The following LINGO2 variants were observed in gnomAD, a reference collection of about 807,000 sequenced individuals.
LINGO2 encodes leucine-rich repeat and immunoglobulin-like domain-containing nogo receptor-interacting protein 2.
In LINGO2, 14 loss-of-function variants were observed where a neutral mutation model predicts 30.6. The observed-to-expected ratio is 0.46, with a 90% CI of 0.30 to 0.72. The LOEUF (loss-of-function observed/expected upper bound fraction) is 0.72. Ranked by LOEUF, LINGO2 falls within the 30% of genes least tolerant of loss-of-function variation. LINGO2 has a pLI of 0.07. For missense variants in LINGO2, 729 were observed against 751.7 expected (o/e 0.97, Z 0.35); for synonymous variants, 317 against 288.5 (o/e 1.10, Z -1.00).
At chr9:28,669,955 T>C (rs1433154226) in intron 1 of LINGO2, among the ~76,000 whole-genome samples, 1 of 151,968 alleles carries the variant, frequency 6.6e-6, no homozygotes, top group Non-Finnish European at 1.5e-5. Flanking sequence ...TATCATCACA[T>C]ATATAGTAGC....
intron 2 of LINGO2, among the ~76,000 whole-genome samples, chr9:28,405,843 T>C (rs188473899): frequency 3.0e-4 from 45 of 152,288 alleles, no homozygotes; most frequent in African/African-American, 1.0e-3. Context: ...ACTCCGTTTT[T>C]CTTCCTTCCT....
At chr9:29,027,362 G>C in the LINGO2 span, among the ~76,000 whole-genome samples, 1 of 151,850 alleles carries the variant, frequency 6.6e-6, no homozygotes, top group African/African-American at 2.4e-5. Context: ...ATTTGAGACA[G>C]AGTCTCGCAT....
the LINGO2 span, among the ~76,000 whole-genome samples, chr9:28,915,374 C>T: frequency 6.6e-6 from 1 of 152,098 alleles, no homozygotes; most frequent in Non-Finnish European, 1.5e-5. Flanking sequence ...TACTGGGTCA[C>T]TGCAGAGTTT....
the LINGO2 span, among the ~76,000 whole-genome samples, chr9:28,764,483 T>C: frequency 1.3e-5 from 2 of 151,758 alleles, no homozygotes; most frequent in Admixed American, 6.6e-5. Flanking sequence ...CTTAACAAAA[T>C]AGGAATAAAA....
chr9:28,991,035 G>A, the LINGO2 span, among the ~76,000 whole-genome samples: 3 of 152,210 alleles, frequency 2.0e-5, no homozygotes, highest in Admixed American at 1.3e-4. Flanking sequence ...GATGAGTTGA[G>A]AGAAGAAGGC....
the LINGO2 span, among the ~76,000 whole-genome samples, chr9:29,130,905 T>A: frequency 2.0e-5 from 3 of 152,200 alleles, no homozygotes; most frequent in Admixed American, 1.3e-4. Flanking sequence ...AAGCCTGTGA[T>A]ACCTGAAGCC....
At chr9:28,199,639 C>T (rs1186217286) in intron 4 of LINGO2, among the ~76,000 whole-genome samples, 3 of 152,018 alleles carry the variant, frequency 2.0e-5, no homozygotes, top group African/African-American at 4.8e-5. Flanking sequence ...CGCCTGGCCC[C>T]TTCTTCATTT....
chr9:27,948,707 G>T, exon 6 of LINGO2: 1 of 922,776 alleles, frequency 1.1e-6, no homozygotes, highest in Non-Finnish European at 1.7e-6. Flanking sequence ...AGTCTCCATT[G>T]GAAGTCCTCC....
the LINGO2 span, among the ~76,000 whole-genome samples, chr9:29,106,989 A>G: frequency 1.3e-5 from 2 of 152,212 alleles, no homozygotes; most frequent in African/African-American, 4.8e-5. Flanking sequence ...AGAGTTATGA[A>G]CTAGCCAATG....
At chr9:28,153,235 AT>A (rs2133563996) in intron 4 of LINGO2, among the ~76,000 whole-genome samples, 1 of 152,296 alleles carries the variant, frequency 6.6e-6, no homozygotes, top group South Asian at 2.1e-4. Context: ...TAACATTTGC[AT>A]AAGTGCAGAA....
chr9:28,897,322 A>G, the LINGO2 span, among the ~76,000 whole-genome samples: 2 of 152,062 alleles, frequency 1.3e-5, no homozygotes, highest in Non-Finnish European at 2.9e-5. Flanking sequence ...GACAGAGACA[A>G]TCCTAAGTTT....
At chr9:29,123,657 T>C in the LINGO2 span, among the ~76,000 whole-genome samples, 130 of 152,210 alleles carry the variant, frequency 8.5e-4, no homozygotes, top group Non-Finnish European at 1.4e-3. Flanking sequence ...ATAAGAAGAA[T>C]GTAAAACAAA....
At chr9:29,181,796 T>A in the LINGO2 span, among the ~76,000 whole-genome samples, 1 of 152,328 alleles carries the variant, frequency 6.6e-6, no homozygotes, top group African/African-American at 2.4e-5. Flanking sequence ...GTCTTGAATT[T>A]GTATTCCTCT....
intron 1 of LINGO2, among the ~76,000 whole-genome samples, chr9:28,525,980 C>T (rs1174574790): frequency 7.0e-6 from 1 of 141,948 alleles, no homozygotes; most frequent in Non-Finnish European, 1.5e-5. Context: ...GGCATGAACC[C>T]GGGAGGCAGA....
At chr9:28,383,854 T>G (rs984112867) in intron 2 of LINGO2, among the ~76,000 whole-genome samples, 1 of 152,082 alleles carries the variant, frequency 6.6e-6, no homozygotes, top group Non-Finnish European at 1.5e-5. Context: ...GTTTTGTATA[T>G]GCACTTTTTT....
chr9:28,419,667 C>T (rs1823109345), intron 2 of LINGO2, among the ~76,000 whole-genome samples: 1 of 151,332 alleles, frequency 6.6e-6, no homozygotes. Flanking sequence ...AAAACATATT[C>T]AGCCAAAAAT....
chr9:28,382,638 T>C (rs897505551), intron 2 of LINGO2, among the ~76,000 whole-genome samples: 2 of 152,124 alleles, frequency 1.3e-5, no homozygotes, highest in Non-Finnish European at 2.9e-5. Context: ...CAGGATATTA[T>C]CATTCAGTTC....
intron 1 of LINGO2, among the ~76,000 whole-genome samples, chr9:28,664,680 C>A (rs1253533725): frequency 1.3e-5 from 2 of 151,958 alleles, no homozygotes; most frequent in Non-Finnish European, 2.9e-5. Flanking sequence ...CCAATGAGAT[C>A]ATCATATCCT....
intron 4 of LINGO2, among the ~76,000 whole-genome samples, chr9:28,265,976 G>A (rs1038557732): frequency 6.6e-6 from 1 of 151,928 alleles, no homozygotes; most frequent in Non-Finnish European, 1.5e-5. Flanking sequence ...GAGATGATAA[G>A]GATGGAGTCT....
Sources: gnomAD v4.1 joint callset for allele counts (sites outside exome capture counted in the v4.1 genomes callset) on GRCh38, gnomAD v4.1.1 for gene constraint, MANE v1.5 for transcripts, NCBI Gene and HGNC (gene_info 2026-07-23, HGNC 2026-07-21) for gene names.